Variants in PDE6G observed in about 807,000 individuals in gnomAD.
PDE6G encodes the protein phosphodiesterase 6G.
PDE6G carries 10 observed loss-of-function variants against 10.9 expected under a neutral mutation model. The observed-to-expected ratio is 0.91, with a 90% CI of 0.56 to 1.55. The LOEUF (loss-of-function observed/expected upper bound fraction) is 1.55. Ranked by LOEUF, PDE6G falls within the 40% of genes most tolerant of loss-of-function variation. The pLI is 0.00. For synonymous variants in PDE6G, 41 were observed against 42.8 expected (o/e 0.96, Z 0.16); for missense variants, 102 against 110.1 (o/e 0.93, Z 0.33).
chr17:81,657,752 G>A (rs2036465688), upstream of PDE6G, among the ~76,000 whole-genome samples: 1 of 151,970 alleles, frequency 6.6e-6, no homozygotes, highest in African/African-American at 2.4e-5. Context: ...GTGGTGGCAT[G>A]TACCTGTAAT....
At chr17:81,656,447 G>C (rs1467525972) in intron 1 of PDE6G, 46 bp downstream of exon 1, 3 of 738,012 alleles carry the variant, frequency 4.1e-6, no homozygotes, top group East Asian at 2.5e-5. Flanking sequence ...TGACTCACTG[G>C]GGGAAGTGGC....
At chr17:81,657,485 C>T (rs1421354695), upstream of PDE6G, among the ~76,000 whole-genome samples, 1 of 152,212 alleles carries the variant, frequency 6.6e-6, no homozygotes, top group Non-Finnish European at 1.5e-5. Context: ...ACCCGTGGTC[C>T]CTGGCTTCAA....
At chr17:81,661,065 A>T (rs887583399), upstream of PDE6G, among the ~76,000 whole-genome samples, 7 of 152,174 alleles carry the variant, frequency 4.6e-5, no homozygotes, top group Non-Finnish European at 8.8e-5. Flanking sequence ...TTACAGGCAC[A>T]CACCACCATG....
intron 1 of PDE6G, among the ~76,000 whole-genome samples, chr17:81,661,992 C>T (rs181996825): frequency 6.6e-6 from 1 of 151,982 alleles, no homozygotes; most frequent in African/African-American, 2.4e-5. Context: ...GATCGCACCA[C>T]TACACTCCAA....
At chr17:81,656,471 A>G in intron 1 of PDE6G, 22 bp downstream of exon 1, 1 of 758,102 alleles carries the variant, frequency 1.3e-6, no homozygotes, top group Non-Finnish European at 2.4e-6. Context: ...CAGGAAAGAC[A>G]GCGGGGTTGG....
rs1182532375 is a variant in PDE6G, at chr17:81,653,140, C to T, written c.146+20G>A. 2 of 1,613,914 alleles carry T rather than the reference C, an allele frequency of 1.2e-6. No homozygotes were observed. Among genetic ancestry groups the T allele is most frequent in the South Asian group, 2.2e-5 (2 of 91,078 alleles). ...ACCGCCTCCTCCCTTTCAGAGGCCCCATCCCCCAGCTCTGCTTACCCTTGA... is the reference window on the plus strand; with the variant it reads ...ACCGCCTCCTCCCTTTCAGAGGCCCTATCCCCCAGCTCTGCTTACCCTTGA... On this transcript the variant is annotated intron_variant, in intron 2 of 3. Transcript: ENST00000331056. The surrounding 1 kb of genome is among the most constrained non-coding windows in gnomAD (Gnocchi z 5.2).
At chr17:81,660,432 T>G (rs2036499606), upstream of PDE6G, among the ~76,000 whole-genome samples, 1 of 152,124 alleles carries the variant, frequency 6.6e-6, no homozygotes, top group Admixed American at 6.6e-5. Flanking sequence ...AAGCTATTAA[T>G]ACTTTTCTAC....
chr17:81,653,445 G>T lies in PDE6G; in HGVS notation c.-59-81C>A, dbSNP rs1322808260. 3 of 946,836 alleles carry T rather than the reference G, an allele frequency of 3.2e-6. No homozygotes were observed. Among genetic ancestry groups the T allele is most frequent in the Non-Finnish European group, 4.8e-6 (3 of 628,114 alleles). The allele number at this position is 946,836 out of a possible 1,614,324, so 58.7% of individuals were successfully genotyped here. ...GGGGTCTCAACCCACCGGTGGAGGG[G>T]CTGAGACCCAGCCCCGCCAGCTCCA... On this transcript the variant is annotated intron_variant, in intron 1 of 3. Coordinates refer to ENST00000331056, the MANE Select transcript of PDE6G (RefSeq NM_002602.4). The surrounding 1 kb of genome is among the most constrained non-coding windows in gnomAD (Gnocchi z 5.2).
Position 81,653,955 on chromosome 17 carries a change from C to T in PDE6G, c.-59-591G>A, listed in dbSNP as rs547125902. The stretch of plus-strand genomic sequence containing the variant: ...CCTCCCCAGCAGCTGGGATTACCGG[C>T]GTCTGCCACCATGCCCGGCTAATCT... On this transcript the variant is annotated intron_variant, in intron 1 of 3. Transcript: ENST00000331056. The surrounding 1 kb of genome is among the most constrained non-coding windows in gnomAD (Gnocchi z 5.2). 1.3e-5 allele frequency among the ~76,000 whole-genome samples: 2 copies of T among 152,232 alleles called. No homozygotes were observed. Among genetic ancestry groups the T allele is most frequent in the East Asian group, 1.9e-4 (1 of 5,156 alleles).
In PDE6G at chr17:81,653,157, T is replaced by C. The variant is rs776737209; in HGVS notation, c.146+3A>G. ...AGAGGCCCCATCCCCCAGCTCTGCT[T>C]ACCCTTGAACGCCTTTCTTTGGGGG... On this transcript the variant is annotated splice_donor_region_variant and intron_variant, in intron 2 of 3. Transcript: ENST00000331056. The surrounding 1 kb of genome is among the most constrained non-coding windows in gnomAD (Gnocchi z 5.2). 3.2e-5 allele frequency: 52 copies of C among 1,614,024 alleles called. No individual in the cohort carries two copies. Among genetic ancestry groups the C allele is most frequent in the Non-Finnish European group, 4.2e-5 (49 of 1,179,972 alleles).
intron 1 of PDE6G, among the ~76,000 whole-genome samples, chr17:81,655,990 C>G (rs1257159131): frequency 1.3e-5 from 2 of 152,142 alleles, no homozygotes; most frequent in African/African-American, 2.4e-5. Flanking sequence ...CCAGCCTGTG[C>G]AAAACCAGCA....
rs908272726 is a variant in PDE6G at position 81,653,614 on chromosome 17, C to A, written c.-59-250G>T. 1.0e-4 allele frequency: 45 copies of A among 430,984 alleles called. 1 individual carries two copies. Among genetic ancestry groups the A allele is most frequent in the South Asian group, 9.8e-4 (43 of 44,056 alleles). The allele number at this position is 430,984 out of a possible 1,614,324, so 26.7% of individuals were successfully genotyped here. A position where few individuals can be genotyped will look rare whatever the true frequency, so the allele number is the denominator to read the frequency against. On this transcript the variant is annotated intron_variant, in intron 1 of 3. Coordinates refer to ENST00000331056, the MANE Select transcript of PDE6G (RefSeq NM_002602.4). The surrounding 1 kb of genome is among the most constrained non-coding windows in gnomAD (Gnocchi z 5.2). Reference sequence around the variant, plus strand: ...GGCCACACACAGCTCCGGACTCCCCCCTGTCCTGGCCTCCCTCGCCCCGGC... The same window carrying A: ...GGCCACACACAGCTCCGGACTCCCCACTGTCCTGGCCTCCCTCGCCCCGGC...
At chr17:81,660,953 C>A (rs188947047), upstream of PDE6G, among the ~76,000 whole-genome samples, 1 of 152,242 alleles carries the variant, frequency 6.6e-6, no homozygotes, top group Non-Finnish European at 1.5e-5. Context: ...ACAGGGGTCT[C>A]TGCCACCCAG....
upstream of PDE6G, among the ~76,000 whole-genome samples, chr17:81,659,755 C>G (rs1255018709): frequency 6.6e-6 from 1 of 152,144 alleles, no homozygotes; most frequent in Non-Finnish European, 1.5e-5. Context: ...TTTTAGCCCT[C>G]TACGTAATTG....
At chr17:81,662,235 C>T (rs780000265) in intron 1 of PDE6G, among the ~76,000 whole-genome samples, 63 of 152,138 alleles carry the variant, frequency 4.1e-4, no homozygotes, top group Non-Finnish European at 8.1e-4. Flanking sequence ...TGTCGTCAAC[C>T]TTCGCAAAAT....
chr17:81,656,046 A>G (rs2036441909), intron 1 of PDE6G, among the ~76,000 whole-genome samples: 2 of 151,980 alleles, frequency 1.3e-5, no homozygotes, highest in Admixed American at 1.3e-4. Flanking sequence ...ATGGCACCCA[A>G]TCCTCATATC....
At chr17:81,657,542 C>G (rs895256437), upstream of PDE6G, among the ~76,000 whole-genome samples, 1 of 152,188 alleles carries the variant, frequency 6.6e-6, no homozygotes, top group African/African-American at 2.4e-5. Context: ...CCTCCATGTA[C>G]TGATTTATGA....
rs1206832772 is a variant in PDE6G, at chr17:81,653,568, TG to T, written c.-59-205del. On this transcript the variant is annotated intron_variant, in intron 1 of 3. Transcript: ENST00000331056. This position sits in a 1 kb window ranked among gnomAD's most constrained non-coding sequence, Gnocchi z 5.2. Reference sequence around the variant, plus strand: ...GCACGCTCCCATTCCCCTTGCCTAGTGGATGCCCCCCTGCAACGCTGGCCAC... The same window carrying T: ...GCACGCTCCCATTCCCCTTGCCTAGTGATGCCCCCCTGCAACGCTGGCCAC... The T allele has an allele frequency of 3.8e-6, 2 of 529,534 alleles. No homozygotes were observed. Among genetic ancestry groups the T allele is most frequent in the Admixed American group, 6.3e-5 (2 of 31,568 alleles). The allele number at this position is 529,534 out of a possible 1,614,324, so 32.8% of individuals were successfully genotyped here.
chr17:81,658,668 C>G (rs1011905424), upstream of PDE6G, among the ~76,000 whole-genome samples: 1 of 151,996 alleles, frequency 6.6e-6, no homozygotes, highest in East Asian at 1.9e-4. Context: ...TGGTGAAACC[C>G]TGTCTCTACT....
Sources: gnomAD v4.1 joint callset for allele counts (sites outside exome capture counted in the v4.1 genomes callset) on GRCh38, gnomAD v4.1.1 for gene constraint, Gnocchi (gnomAD v3.1) non-coding constraint, MANE v1.5 for transcripts, NCBI Gene and HGNC (gene_info 2026-07-23, HGNC 2026-07-21) for gene names.